CACNA1E: variants seen among roughly 807,000 people sequenced by gnomAD.
CACNA1E encodes calcium voltage-gated channel subunit alpha1 E, also known as voltage-dependent R-type calcium channel subunit alpha-1E.
In CACNA1E, 40 loss-of-function variants were observed where a neutral mutation model predicts 259.2. The observed-to-expected ratio is 0.15, with a 90% CI of 0.12 to 0.20. The LOEUF is 0.20. CACNA1E is among the 10% of genes least tolerant of loss of function. CACNA1E has a pLI of 1.00. For missense variants in CACNA1E, 1,874 were observed against 3,040.1 expected (o/e 0.62, Z 9.02); for synonymous variants, 1,104 against 1,138.5 (o/e 0.97, Z 0.61).
intron 3 of CACNA1E, among the ~76,000 whole-genome samples, chr1:181,549,644 GC>G (rs1647905294): frequency 6.6e-6 from 1 of 152,198 alleles, no homozygotes; most frequent in Non-Finnish European, 1.5e-5. Context: ...AAGGGGAGTT[GC>G]CCATGGGTTC....
chr1:181,355,404 A>G (rs1311995575), intron 1 of CACNA1E, among the ~76,000 whole-genome samples: 7 of 152,268 alleles, frequency 4.6e-5, no homozygotes, highest in East Asian at 3.9e-4. Context: ...CTTGACCAAC[A>G]TGGTAAAACC....
At chr1:181,482,483 C>T (rs1019817607), upstream of CACNA1E, among the ~76,000 whole-genome samples, 2 of 152,246 alleles carry the variant, frequency 1.3e-5, no homozygotes, top group African/African-American at 2.4e-5. Flanking sequence ...TGGCTGCTAC[C>T]CTTTGGCCAC....
At chr1:181,423,481 C>G (rs10910936) in intron 2 of CACNA1E, among the ~76,000 whole-genome samples, 64,910 of 151,988 alleles carry the variant, frequency 0.43, 14,442 homozygotes, top group African/African-American at 0.55. Flanking sequence ...ACCAGTCCTG[C>G]AAGTCCCACC....
chr1:181,347,204 A>C (rs1206556226), intron 1 of CACNA1E, among the ~76,000 whole-genome samples: 1 of 152,058 alleles, frequency 6.6e-6, no homozygotes, highest in Non-Finnish European at 1.5e-5. Context: ...GCAGCCTCCC[A>C]CAGGCTTGTC....
At chr1:181,706,202 T>C (rs1341017993) in intron 7 of CACNA1E, among the ~76,000 whole-genome samples, 3 of 152,186 alleles carry the variant, frequency 2.0e-5, no homozygotes, top group Non-Finnish European at 4.4e-5. Flanking sequence ...AATTAAGATA[T>C]TCATAGTGCC....
intron 38 of CACNA1E, among the ~76,000 whole-genome samples, chr1:181,781,124 A>G (rs1268115309): frequency 6.6e-6 from 1 of 152,224 alleles, no homozygotes; most frequent in African/African-American, 2.4e-5. Flanking sequence ...ATGGAGAGTC[A>G]TAGGGACTGA....
At chr1:181,768,831 C>CTGTT (rs1331588226) in intron 35 of CACNA1E, among the ~76,000 whole-genome samples, 1 of 152,192 alleles carries the variant, frequency 6.6e-6, no homozygotes, top group East Asian at 1.9e-4. Context: ...GCTAGAGAGA[C>CTGTT]TGTTTCTAAT....
At chr1:181,757,820 C>A in intron 30 of CACNA1E, 127 bp from the exon 31 acceptor site, 1 of 979,348 alleles carries the variant, frequency 1.0e-6, no homozygotes, top group Non-Finnish European at 1.5e-6. Flanking sequence ...CCCCAGTTGC[C>A]ATCTTTACTT....
At chr1:181,401,764 T>G (rs549707708) in intron 1 of CACNA1E, among the ~76,000 whole-genome samples, 2 of 152,208 alleles carry the variant, frequency 1.3e-5, no homozygotes, top group Non-Finnish European at 2.9e-5. Context: ...TTGAAAGATG[T>G]GTGGCAGGAG....
chr1:181,508,311 A>C (rs1391482025), intron 1 of CACNA1E, among the ~76,000 whole-genome samples: 1 of 152,174 alleles, frequency 6.6e-6, no homozygotes, highest in Non-Finnish European at 1.5e-5. Flanking sequence ...CCAGTATTTC[A>C]TGGCCTGCAT....
chr1:181,403,667 T>G (rs555080009), intron 1 of CACNA1E, among the ~76,000 whole-genome samples: 2 of 152,320 alleles, frequency 1.3e-5, no homozygotes, highest in South Asian at 4.1e-4. Flanking sequence ...TGTGGAGTAT[T>G]TAAAATCTTA....
intron 1 of CACNA1E, among the ~76,000 whole-genome samples, chr1:181,388,903 A>G (rs1656052283): frequency 6.6e-6 from 1 of 152,150 alleles, no homozygotes. Context: ...AAAAAAAAAA[A>G]ACGTGTTATG....
At chr1:181,772,007 A>T (rs1016682141) in intron 36 of CACNA1E, 59 bp from the exon 37 acceptor site, 29 of 1,522,072 alleles carry the variant, frequency 1.9e-5, no homozygotes, top group Non-Finnish European at 2.6e-5. Flanking sequence ...AAAGAGGACC[A>T]AGAATATGAT....
At chr1:181,710,870 GCT>G in intron 7 of CACNA1E, 82 bp from the exon 8 acceptor site, 2 of 968,160 alleles carry the variant, frequency 2.1e-6, no homozygotes, top group Non-Finnish European at 3.3e-6. Flanking sequence ...TTGCTCAGAT[GCT>G]CTCTCTCTGT....
chr1:181,650,855 G>A (rs555155167), intron 6 of CACNA1E, among the ~76,000 whole-genome samples: 69 of 152,330 alleles, frequency 4.5e-4, no homozygotes, highest in Non-Finnish European at 7.2e-4. Flanking sequence ...CAAGCTGAGC[G>A]TGGGTCAAGG....
chr1:181,558,978 A>AAAAACCCT (rs367913676), intron 3 of CACNA1E, among the ~76,000 whole-genome samples: 2 of 152,232 alleles, frequency 1.3e-5, no homozygotes, highest in African/African-American at 2.4e-5. Flanking sequence ...GACCTGGAAG[A>AAAAACCCT]TGAGAATAAA....
chr1:181,496,585 G>A (rs1664773153), intron 1 of CACNA1E, among the ~76,000 whole-genome samples: 1 of 152,188 alleles, frequency 6.6e-6, no homozygotes, highest in African/African-American at 2.4e-5. Flanking sequence ...TTCTGAAAGG[G>A]TTAGGGTGCT....
intron 30 of CACNA1E, among the ~76,000 whole-genome samples, chr1:181,757,474 C>G (rs1658186809): frequency 6.6e-6 from 1 of 152,192 alleles, no homozygotes; most frequent in South Asian, 2.1e-4. Context: ...CTTATCGCAG[C>G]TTTTCCAGCA....
At chr1:181,685,229 A>G (rs1213071433) in intron 7 of CACNA1E, among the ~76,000 whole-genome samples, 2 of 72,414 alleles carry the variant, frequency 2.8e-5, no homozygotes, top group Non-Finnish European at 5.8e-5. Flanking sequence ...CCCACCTTTA[A>G]GTTTTTTTTT....
Sources: allele counts gnomAD v4.1 joint callset (sites outside exome capture counted in the v4.1 genomes callset), GRCh38; gene constraint gnomAD v4.1.1; transcripts MANE v1.5; gene names NCBI Gene and HGNC (gene_info 2026-07-23, HGNC 2026-07-21).